CAMTA1: variants seen among roughly 807,000 people sequenced by gnomAD.
CAMTA1 encodes calmodulin-binding transcription activator 1.
CAMTA1 carries 27 observed loss-of-function variants against 170.9 expected under a neutral mutation model. That is an observed-to-expected ratio of 0.16 (90% CI 0.12 to 0.22). The LOEUF (loss-of-function observed/expected upper bound fraction) is 0.22. Ranked by LOEUF, CAMTA1 falls within the 10% of genes least tolerant of loss-of-function variation. The pLI is 1.00. For synonymous variants in CAMTA1, 833 were observed against 891.5 expected, an observed-to-expected ratio of 0.93 and a Z score of 1.17; for missense variants, 1,619 against 2,217.2, an observed-to-expected ratio of 0.73 and a Z score of 5.42.
Position 7,755,637 on chromosome 1 carries a change from G to A in CAMTA1, c.4959-1G>A. 6.2e-7 allele frequency: 1 copy of A among 1,613,270 alleles called. No individual in the cohort carries two copies. The highest frequency in any genetic ancestry group is 8.5e-7 in the Non-Finnish European group (1 of 1,179,364). On this transcript the variant is annotated splice_acceptor_variant, in intron 21 of 22. Coordinates refer to ENST00000303635, the MANE Select transcript of CAMTA1 (RefSeq NM_015215.4). LOFTEE classifies it high-confidence loss of function. ...CTCTGGTGTTGTTTTACTGTCTAAA[G>A]CCCCCTGGTGGACCATAGGCTGTAC... is the stretch of plus-strand genomic sequence containing the variant.
At chr1:7,647,222 G>A (rs1339371629) in intron 7 of CAMTA1, among the ~76,000 whole-genome samples, 1 of 148,384 alleles carries the variant, frequency 6.7e-6, no homozygotes, top group African/African-American at 2.5e-5. Flanking sequence ...GGGGTTGTAT[G>A]TTCAGTGCGC....
rs2096087765 is a variant in CAMTA1, at chr1:7,674,089, T to C, written c.2779+3052T>C. ...AACTGGCCTCACCAAAAAGAGAGGC[T>C]CAGAGGCTTATGAGCACAAGCCAGG... On this transcript the variant is annotated intron_variant, in intron 10 of 22. Coordinates refer to ENST00000303635, the MANE Select transcript of CAMTA1 (RefSeq NM_015215.4). The surrounding 1 kb of genome is among the most constrained non-coding windows in gnomAD (Gnocchi z 4.1). Among the ~76,000 whole-genome samples the C allele has an allele frequency of 6.6e-6, 1 of 152,094 alleles. No individual in the cohort carries two copies. Among genetic ancestry groups the C allele is most frequent in the African/African-American group, 2.4e-5 (1 of 41,408 alleles).
At chr1:7,747,895 G>T (rs575032536) in intron 19 of CAMTA1, 114 bp downstream of exon 19, 15 of 569,872 alleles carry the variant, frequency 2.6e-5, no homozygotes, top group South Asian at 1.1e-4. Context: ...GACTTAATTT[G>T]TTTTTTGGTT....
intron 4 of CAMTA1, among the ~76,000 whole-genome samples, chr1:7,160,727 C>CTA (rs1647164774): frequency 6.6e-6 from 1 of 152,172 alleles, no homozygotes; most frequent in Non-Finnish European, 1.5e-5. Context: ...TGTCTACAGC[C>CTA]CAGGTAGTAC....
intron 1 of CAMTA1, among the ~76,000 whole-genome samples, chr1:6,792,408 CT>C (rs1641374670): frequency 6.7e-6 from 1 of 150,120 alleles, no homozygotes; most frequent in Non-Finnish European, 1.5e-5. Context: ...CATCCTTCTG[CT>C]TTGAACACCA....
At chr1:6,964,777 A>T (rs1331222605) in intron 3 of CAMTA1, among the ~76,000 whole-genome samples, 3 of 152,212 alleles carry the variant, frequency 2.0e-5, no homozygotes, top group African/African-American at 7.2e-5. Flanking sequence ...TGCAGGAAGC[A>T]CTCAGTATAT....
At chr1:7,600,500 T>C (rs2095431992) in intron 6 of CAMTA1, among the ~76,000 whole-genome samples, 1 of 151,672 alleles carries the variant, frequency 6.6e-6, no homozygotes, top group Non-Finnish European at 1.5e-5. Flanking sequence ...TCTTTTTTTT[T>C]TTTTAATTGA....
chr1:7,636,851 A>C (rs2095716245), intron 6 of CAMTA1, among the ~76,000 whole-genome samples: 1 of 152,144 alleles, frequency 6.6e-6, no homozygotes, highest in South Asian at 2.1e-4. Flanking sequence ...TGAAATAAGC[A>C]CCGGTGATTG....
At chr1:7,351,840 G>A (rs2084697547) in intron 5 of CAMTA1, among the ~76,000 whole-genome samples, 1 of 152,200 alleles carries the variant, frequency 6.6e-6, no homozygotes, top group Admixed American at 6.5e-5. Flanking sequence ...TGACATTTAT[G>A]GCAAGTATAA....
intron 11 of CAMTA1, among the ~76,000 whole-genome samples, chr1:7,723,168 C>G (rs910101542): frequency 1.3e-5 from 2 of 152,052 alleles, no homozygotes; most frequent in Non-Finnish European, 2.9e-5. Flanking sequence ...AGCTCCACTC[C>G]TTAGAGAAAT....
chr1:7,374,191 C>T (rs548101449), intron 5 of CAMTA1, among the ~76,000 whole-genome samples: 116 of 152,234 alleles, frequency 7.6e-4, no homozygotes, highest in Non-Finnish European at 4.7e-4. Context: ...CGCCTGGTCC[C>T]AAACGCTCCT....
intron 11 of CAMTA1, among the ~76,000 whole-genome samples, chr1:7,720,451 G>A (rs1236359246): frequency 6.6e-6 from 1 of 151,960 alleles, no homozygotes; most frequent in Non-Finnish European, 1.5e-5. Context: ...GTGCAATCTC[G>A]GCTCATTGCA....
intron 4 of CAMTA1, among the ~76,000 whole-genome samples, chr1:7,108,902 G>A (rs1273737841): frequency 6.6e-6 from 1 of 152,150 alleles, no homozygotes; most frequent in Admixed American, 6.5e-5. Flanking sequence ...TGTTGCTGGG[G>A]CTGCAGCCTC....
chr1:7,530,813 T>G (rs1335014624), intron 6 of CAMTA1, among the ~76,000 whole-genome samples: 2 of 41,018 alleles, frequency 4.9e-5, no homozygotes, highest in African/African-American at 2.0e-4. Flanking sequence ...TGAGCTCTTG[T>G]TTTTTTTTTT....
At chr1:6,910,362 G>A (rs918609150) in intron 3 of CAMTA1, among the ~76,000 whole-genome samples, 3 of 152,192 alleles carry the variant, frequency 2.0e-5, no homozygotes. Flanking sequence ...TTTTACCCCA[G>A]TTTTCTTTCA....
chr1:7,233,752 C>T (rs1663272223), intron 4 of CAMTA1, among the ~76,000 whole-genome samples: 1 of 152,170 alleles, frequency 6.6e-6, no homozygotes, highest in Non-Finnish European at 1.5e-5. Flanking sequence ...ATCCACAAAG[C>T]CCCGGGATCT....
intron 6 of CAMTA1, among the ~76,000 whole-genome samples, chr1:7,638,750 C>CT (rs2095736279): frequency 6.6e-6 from 1 of 152,080 alleles, no homozygotes; most frequent in Admixed American, 6.5e-5. Context: ...ATTGCTTTTT[C>CT]TTTAACAAAC....
chr1:7,570,407 G>A lies in CAMTA1; in HGVS notation c.511-69993G>A, dbSNP rs777485177. Among the ~76,000 whole-genome samples the A allele has an allele frequency of 6.6e-6, 1 of 152,236 alleles. No individual in the cohort carries two copies. Among genetic ancestry groups the A allele is most frequent in the Non-Finnish European group, 1.5e-5 (1 of 68,042 alleles). ...CTGGAAGGGTGGAGGGAGGAAGCAC[G>A]GGGAGGAGGAAGCCAGGGGCAAACC... On this transcript the variant is annotated intron_variant, in intron 6 of 22. Transcript: ENST00000303635. This position sits in a 1 kb window ranked among gnomAD's most constrained non-coding sequence, Gnocchi z 4.3.
intron 5 of CAMTA1, among the ~76,000 whole-genome samples, chr1:7,280,959 CAAG>C (rs1557431379): frequency 6.6e-6 from 1 of 152,172 alleles, no homozygotes; most frequent in Non-Finnish European, 1.5e-5. Context: ...ATTTCATAAA[CAAG>C]AATCCAAAAT....
Sources: allele counts gnomAD v4.1 joint callset (sites outside exome capture counted in the v4.1 genomes callset), GRCh38; gene constraint gnomAD v4.1.1; non-coding constraint Gnocchi (gnomAD v3.1); transcripts MANE v1.5; gene names NCBI Gene and HGNC (gene_info 2026-07-23, HGNC 2026-07-21).